Variants in LRRTM4 observed in about 807,000 individuals in gnomAD.
LRRTM4 encodes leucine rich repeat transmembrane neuronal 4.
A neutral mutation model predicts 47.6 loss-of-function variants in LRRTM4; 25 were observed. The observed-to-expected ratio is 0.53, with a 90% CI of 0.38 to 0.73. The LOEUF is 0.73. Ranked by LOEUF, LRRTM4 falls within the 30% of genes least tolerant of loss-of-function variation. LRRTM4 has a pLI of 0.00. For synonymous variants in LRRTM4, 311 were observed against 269.5 expected, an observed-to-expected ratio of 1.15 and a Z score of -1.51; for missense variants, 638 against 713.4, an observed-to-expected ratio of 0.89 and a Z score of 1.20.
chr2:77,476,990 GTGTGTGTA>G (rs912589304), intron 3 of LRRTM4, among the ~76,000 whole-genome samples: 14 of 96,856 alleles, frequency 1.4e-4, no homozygotes, highest in Middle Eastern at 6.6e-3. Flanking sequence ...GTGTGTGTGT[GTGTGTGTA>G]TGTGTGTACT....
chr2:76,828,189 T>C (rs1254807971), intron 3 of LRRTM4, among the ~76,000 whole-genome samples: 2 of 151,950 alleles, frequency 1.3e-5, no homozygotes, highest in African/African-American at 4.8e-5. Flanking sequence ...GGTAAGTGAT[T>C]GCCTGATTGC....
intron 3 of LRRTM4, among the ~76,000 whole-genome samples, chr2:76,851,415 T>G (rs1291874926): frequency 6.6e-6 from 1 of 152,210 alleles, no homozygotes; most frequent in African/African-American, 2.4e-5. Flanking sequence ...GGTTTTTGTC[T>G]GGGCATCTCT....
intron 3 of LRRTM4, among the ~76,000 whole-genome samples, chr2:77,487,261 A>G (rs1313887259): frequency 6.6e-6 from 1 of 152,198 alleles, no homozygotes; most frequent in Admixed American, 6.5e-5. Flanking sequence ...GGACCTGTGC[A>G]TCCCTGTGCT....
intron 3 of LRRTM4, among the ~76,000 whole-genome samples, chr2:77,227,484 C>A (rs1354854824): frequency 1.3e-5 from 2 of 151,858 alleles, no homozygotes; most frequent in Non-Finnish European, 2.9e-5. Flanking sequence ...ATAGGTGAAG[C>A]AATTATGATT....
chr2:76,955,438 A>G (rs368544989), intron 3 of LRRTM4, among the ~76,000 whole-genome samples: 3 of 151,986 alleles, frequency 2.0e-5, no homozygotes, highest in East Asian at 3.9e-4. Context: ...TATGGTAATC[A>G]TAAGAAAATA....
chr2:77,296,664 ACAT>A (rs1416334271), intron 3 of LRRTM4, among the ~76,000 whole-genome samples: 1 of 152,192 alleles, frequency 6.6e-6, no homozygotes, highest in Admixed American at 6.5e-5. Context: ...CAAAATAACA[ACAT>A]CATCATTTTT....
chr2:76,932,219 A>G (rs1468447049), intron 3 of LRRTM4, among the ~76,000 whole-genome samples: 1 of 152,066 alleles, frequency 6.6e-6, no homozygotes, highest in East Asian at 1.9e-4. Context: ...AAAACCTGAA[A>G]TGACTGAACC....
intron 3 of LRRTM4, among the ~76,000 whole-genome samples, chr2:76,758,739 T>C (rs1673150961): frequency 6.6e-6 from 1 of 152,092 alleles, no homozygotes; most frequent in African/African-American, 2.4e-5. Context: ...GAATTTGCCA[T>C]AATAGTTCAT....
chr2:77,364,213 T>C (rs957533184), intron 3 of LRRTM4, among the ~76,000 whole-genome samples: 4 of 152,080 alleles, frequency 2.6e-5, no homozygotes, highest in Admixed American at 1.3e-4. Context: ...TGCCACATCA[T>C]AGCAGGACAA....
At chr2:77,108,161 T>C (rs183003536) in intron 3 of LRRTM4, among the ~76,000 whole-genome samples, 1 of 152,174 alleles carries the variant, frequency 6.6e-6, no homozygotes, top group East Asian at 1.9e-4. Context: ...TAGGAATTAC[T>C]GAATGCAAGA....
At chr2:77,471,058 C>G (rs2103992737) in intron 3 of LRRTM4, among the ~76,000 whole-genome samples, 1 of 152,254 alleles carries the variant, frequency 6.6e-6, no homozygotes, top group African/African-American at 2.4e-5. Flanking sequence ...CTATCTATAT[C>G]TAGTTCAGGC....
At chr2:76,780,314 CT>C (rs1674298183) in intron 3 of LRRTM4, among the ~76,000 whole-genome samples, 1 of 152,164 alleles carries the variant, frequency 6.6e-6, no homozygotes, top group Non-Finnish European at 1.5e-5. Context: ...GCTTGCCTTG[CT>C]AGATTGGGGA....
At chr2:77,382,625 C>G (rs1673106249) in intron 3 of LRRTM4, among the ~76,000 whole-genome samples, 2 of 152,110 alleles carry the variant, frequency 1.3e-5, no homozygotes, top group South Asian at 4.1e-4. Context: ...ATGAAGTATG[C>G]AAAAACAATT....
intron 3 of LRRTM4, among the ~76,000 whole-genome samples, chr2:77,411,291 C>T (rs1299109348): frequency 1.3e-5 from 2 of 152,118 alleles, no homozygotes; most frequent in Non-Finnish European, 2.9e-5. Context: ...CTCAGCAAAA[C>T]ATGATTCAAG....
intron 3 of LRRTM4, among the ~76,000 whole-genome samples, chr2:77,478,647 T>C (rs1422720257): frequency 2.0e-5 from 3 of 152,220 alleles, no homozygotes; most frequent in African/African-American, 7.2e-5. Flanking sequence ...CTGACACATT[T>C]CATTGAAAAC....
At chr2:76,797,977 T>C (rs1346646429) in intron 3 of LRRTM4, among the ~76,000 whole-genome samples, 5 of 147,572 alleles carry the variant, frequency 3.4e-5, no homozygotes, top group South Asian at 2.1e-4. Context: ...AAGTCCTGAG[T>C]GACCTACAAA....
chr2:77,225,814 CTT>C (rs35973657), intron 3 of LRRTM4, among the ~76,000 whole-genome samples: 10,600 of 151,838 alleles, frequency 0.07, 562 homozygotes, highest in East Asian at 0.32. Context: ...GCCATTTTGT[CTT>C]TACTTTTACA....
chr2:76,899,910 T>C (rs1673563991), intron 3 of LRRTM4, among the ~76,000 whole-genome samples: 1 of 152,126 alleles, frequency 6.6e-6, no homozygotes, highest in Admixed American at 6.6e-5. Context: ...TATACCAATC[T>C]TGAATATTGT....
intron 3 of LRRTM4, among the ~76,000 whole-genome samples, chr2:76,801,664 TA>T (rs770583956): frequency 1.9e-3 from 271 of 145,670 alleles, no homozygotes; most frequent in African/African-American, 6.1e-3. Flanking sequence ...TAAAGTATAA[TA>T]AAAAAAAAAG....
Sources: allele counts gnomAD v4.1 joint callset (sites outside exome capture counted in the v4.1 genomes callset), GRCh38; gene constraint gnomAD v4.1.1; transcripts MANE v1.5; gene names NCBI Gene and HGNC (gene_info 2026-07-23, HGNC 2026-07-21).